TRPC5: variants seen among roughly 807,000 people sequenced by gnomAD.
TRPC5 encodes short transient receptor potential channel 5.
In TRPC5, 9 loss-of-function variants were observed where a neutral mutation model predicts 56.5. That is an observed-to-expected ratio of 0.16 (90% CI 0.10 to 0.28). The LOEUF (loss-of-function observed/expected upper bound fraction) is 0.28, where lower values mean the gene tolerates loss of function less well. Among genes scored for constraint, TRPC5 ranks in the 10% least tolerant of loss-of-function variants. The probability of loss-of-function intolerance (pLI) is 1.00; values close to 1 mark genes in which losing one functional copy is unlikely to be tolerated. For synonymous variants in TRPC5, 282 were observed against 278.5 expected, an observed-to-expected ratio of 1.01 and a Z score of -0.13; for missense variants, 469 against 748.9, an observed-to-expected ratio of 0.63 and a Z score of 4.36.
intron 1 of TRPC5, among the ~76,000 whole-genome samples, chrX:111,975,019 G>A (rs1927881051): frequency 9.0e-6 from 1 of 110,873 alleles, no homozygotes; most frequent in African/African-American, 3.3e-5. Context: ...TCTGAAGGGT[G>A]GGGGACAAAT....
chrX:112,015,926 G>A (rs915953257), intron 1 of TRPC5, among the ~76,000 whole-genome samples: 3 of 111,490 alleles, frequency 2.7e-5, no homozygotes, highest in Non-Finnish European at 5.6e-5. Flanking sequence ...CCCCTGCCAT[G>A]GTTAGAACTG....
At chrX:112,001,609 A>T (rs1017582562) in intron 1 of TRPC5, among the ~76,000 whole-genome samples, 9 of 111,092 alleles carry the variant, frequency 8.1e-5, no homozygotes, top group Non-Finnish European at 1.5e-4. Context: ...ACAATACTAA[A>T]AATTAGCCAG....
At chrX:111,980,708 A>G (rs1337381164) in intron 1 of TRPC5, among the ~76,000 whole-genome samples, 1 of 110,105 alleles carries the variant, frequency 9.1e-6, no homozygotes, top group Non-Finnish European at 1.9e-5. Flanking sequence ...AAGCTTCAGC[A>G]AAAGTCATTG....
chrX:111,904,015 G>A (rs1160363652), intron 3 of TRPC5: 1 of 111,822 alleles, frequency 8.9e-6, no homozygotes, highest in African/African-American at 3.3e-5. Context: ...AAATTACCTG[G>A]TGGTGAATTT....
At position 111,864,111 on chromosome X, in the gene TRPC5, C is replaced by T. The variant is rs187335421; in HGVS notation, c.901-10005G>A. On this transcript the variant is annotated intron_variant, in intron 3 of 10. Coordinates refer to ENST00000262839, the MANE Select transcript of TRPC5 (RefSeq NM_012471.3). Reference sequence around the variant, plus strand: ...ACGCCATTCTCCTGCCTCAGCCTCCCGAGTAGCTGGGAGTACAGGTGCCTG... The same window carrying T: ...ACGCCATTCTCCTGCCTCAGCCTCCTGAGTAGCTGGGAGTACAGGTGCCTG... Among the ~76,000 whole-genome samples the T allele has an allele frequency of 7.1e-4, 79 of 110,745 alleles. No homozygotes were observed. In the East Asian group the frequency reaches 0.01, roughly 14 times the overall value.
intron 1 of TRPC5, among the ~76,000 whole-genome samples, chrX:111,967,219 C>G (rs1329931645): frequency 9.0e-6 from 1 of 111,542 alleles, no homozygotes; most frequent in East Asian, 2.8e-4. Flanking sequence ...TGAGTGAACT[C>G]CCATTCACAA....
chrX:112,053,776 A>G (rs984277366), intron 1 of TRPC5, among the ~76,000 whole-genome samples: 17 of 112,297 alleles, frequency 1.5e-4, no homozygotes, highest in Non-Finnish European at 5.6e-5. Context: ...CTGCAAGTGC[A>G]TGCTTTCCCT....
chrX:112,066,755 A>C (rs1470588803), intron 1 of TRPC5, among the ~76,000 whole-genome samples: 2 of 112,489 alleles, frequency 1.8e-5, no homozygotes, highest in African/African-American at 6.5e-5. Context: ...GAATATGCCA[A>C]GTGTTTAATA....
At chrX:111,950,173 A>G (rs946515939) in intron 2 of TRPC5, among the ~76,000 whole-genome samples, 1 of 110,562 alleles carries the variant, frequency 9.0e-6, no homozygotes, top group Admixed American at 9.7e-5. Flanking sequence ...AAATACAAAA[A>G]AATTAGCCAG....
chrX:111,847,506 T>A lies in TRPC5; in HGVS notation c.1378-70A>T, dbSNP rs1028350445. The A allele has an allele frequency of 9.9e-6, 10 of 1,009,239 alleles. No individual in the cohort carries two copies. In the African/African-American group the frequency reaches 1.9e-4, roughly 19 times the overall value. 83.2% of individuals were successfully genotyped at this position (1,009,239 alleles called of 1,213,427 possible). A position where few individuals can be genotyped will look rare whatever the true frequency, so the allele number is the denominator to read the frequency against. On this transcript the variant is annotated intron_variant, in intron 5 of 10. Coordinates refer to ENST00000262839, the MANE Select transcript of TRPC5 (RefSeq NM_012471.3). ...TTTATAAAACTTTCCCTTTTTTCCT[T>A]GCTTCCATACCCAAACAAAGCCACC... is the stretch of plus-strand genomic sequence containing the variant.
chrX:111,849,440 C>T (rs1373206581), intron 5 of TRPC5, among the ~76,000 whole-genome samples: 4 of 112,450 alleles, frequency 3.6e-5, no homozygotes, highest in Non-Finnish European at 7.5e-5. Flanking sequence ...ATCACAACTA[C>T]CCAATGCTTC....
chrX:111,916,751 G>A (rs757593879), intron 2 of TRPC5, among the ~76,000 whole-genome samples: 2 of 112,320 alleles, frequency 1.8e-5, no homozygotes, highest in African/African-American at 6.5e-5. Flanking sequence ...AAAGAAGCCG[G>A]AAACATGGAT....
intron 1 of TRPC5, among the ~76,000 whole-genome samples, chrX:112,070,945 G>C (rs1019585145): frequency 2.7e-5 from 3 of 111,563 alleles, no homozygotes; most frequent in Non-Finnish European, 5.6e-5. Flanking sequence ...CACTGTGTTA[G>C]GTCCTTTACA....
intron 1 of TRPC5, among the ~76,000 whole-genome samples, chrX:112,070,536 C>A (rs186258594): frequency 9.0e-6 from 1 of 111,253 alleles, no homozygotes; most frequent in African/African-American, 3.3e-5. Context: ...GAATCTCCCC[C>A]ACCCCACGTA....
chrX:111,844,711 C>T (rs989266307), intron 6 of TRPC5, among the ~76,000 whole-genome samples: 1 of 109,608 alleles, frequency 9.1e-6, no homozygotes, highest in Non-Finnish European at 1.9e-5. Flanking sequence ...GTGATCTGCC[C>T]ACCTTGGCCT....
chrX:111,963,814 A>G (rs1259724021), intron 1 of TRPC5, among the ~76,000 whole-genome samples: 1 of 111,844 alleles, frequency 8.9e-6, no homozygotes, highest in Non-Finnish European at 1.9e-5. Context: ...CACACCAAAA[A>G]CACATCTATA....
chrX:111,985,130 A>G (rs1928179468), intron 1 of TRPC5, among the ~76,000 whole-genome samples: 1 of 111,890 alleles, frequency 8.9e-6, no homozygotes, highest in Admixed American at 9.5e-5. Context: ...TTGGTTTACT[A>G]TTTTCTGAAG....
intron 3 of TRPC5, among the ~76,000 whole-genome samples, chrX:111,911,106 G>T (rs895707869): frequency 9.0e-6 from 1 of 111,588 alleles, no homozygotes; most frequent in Non-Finnish European, 1.9e-5. Flanking sequence ...TTTGTTTTTT[G>T]CCTCATTTCT....
chrX:112,005,001 T>C (rs898837077), intron 1 of TRPC5, among the ~76,000 whole-genome samples: 2 of 111,748 alleles, frequency 1.8e-5, no homozygotes, highest in African/African-American at 6.5e-5. Flanking sequence ...TTAGAATCAC[T>C]TCAGGAGTTT....
Sources: allele counts gnomAD v4.1 joint callset (sites outside exome capture counted in the v4.1 genomes callset), GRCh38; gene constraint gnomAD v4.1.1; transcripts MANE v1.5; gene names NCBI Gene and HGNC (gene_info 2026-07-23, HGNC 2026-07-21).